Variants in CLVS1 observed in about 807,000 individuals in gnomAD.
CLVS1 encodes the protein clavesin 1.
A neutral mutation model predicts 33.1 loss-of-function variants in CLVS1; 10 were observed. The ratio of observed to expected loss-of-function variants is 0.30; its 90% CI spans 0.19 to 0.51. The LOEUF is 0.51. CLVS1 is among the 20% of genes least tolerant of loss of function. CLVS1 has a pLI of 0.97. For missense variants in CLVS1, 343 were observed against 433.4 expected (o/e 0.79, Z 1.85); for synonymous variants, 163 against 166.1 (o/e 0.98, Z 0.14).
chr8:61,003,937 T>C, the CLVS1 span, among the ~76,000 whole-genome samples: 4 of 152,192 alleles, frequency 2.6e-5, no homozygotes, highest in Non-Finnish European at 4.4e-5. Flanking sequence ...CAGGAGGTAA[T>C]GCAGTGCTGT....
At chr8:61,413,762 G>A (rs1410882205) in intron 3 of CLVS1, among the ~76,000 whole-genome samples, 2 of 152,160 alleles carry the variant, frequency 1.3e-5, no homozygotes, top group South Asian at 4.1e-4. Flanking sequence ...TCTGTGGGTT[G>A]GCTACTCCCA....
intron 1 of CLVS1, among the ~76,000 whole-genome samples, chr8:61,114,314 A>C (rs1185533942): frequency 6.6e-6 from 1 of 152,202 alleles, no homozygotes; most frequent in African/African-American, 2.4e-5. Context: ...TAGATATAAA[A>C]CTAAACAGCA....
intron 1 of CLVS1, among the ~76,000 whole-genome samples, chr8:61,127,614 T>A (rs1206832604): frequency 6.6e-6 from 1 of 152,234 alleles, no homozygotes; most frequent in East Asian, 1.9e-4. Context: ...AACTGGAATA[T>A]GCCTGATTTC....
At chr8:61,355,946 G>C (rs1230227180) in intron 2 of CLVS1, among the ~76,000 whole-genome samples, 1 of 152,200 alleles carries the variant, frequency 6.6e-6, no homozygotes, top group Admixed American at 6.5e-5. Flanking sequence ...GGATGGCTGA[G>C]TCAAATGGTA....
At chr8:61,221,362 A>C (rs1304068087) in intron 2 of CLVS1, among the ~76,000 whole-genome samples, 1 of 152,208 alleles carries the variant, frequency 6.6e-6, no homozygotes, top group East Asian at 1.9e-4. Context: ...TATTCCATCA[A>C]TACCTAGTCC....
At chr8:61,412,778 C>G (rs1815282663) in intron 3 of CLVS1, among the ~76,000 whole-genome samples, 1 of 152,138 alleles carries the variant, frequency 6.6e-6, no homozygotes, top group Admixed American at 6.6e-5. Flanking sequence ...TAGGCTAAGA[C>G]CTGGGTTTGA....
intron 1 of CLVS1, among the ~76,000 whole-genome samples, chr8:61,058,169 CA>C (rs1804513972): frequency 6.6e-6 from 1 of 152,164 alleles, no homozygotes; most frequent in South Asian, 2.1e-4. Context: ...GAGCTTATGA[CA>C]GGTGCATTTT....
intron 3 of CLVS1, among the ~76,000 whole-genome samples, chr8:61,425,793 TA>T (rs1815868496): frequency 1.3e-5 from 2 of 152,316 alleles, no homozygotes; most frequent in South Asian, 4.1e-4. Flanking sequence ...GTCTGGGGCA[TA>T]AAAGTGAGGG....
intron 2 of CLVS1, among the ~76,000 whole-genome samples, chr8:61,313,153 C>G (rs1810895114): frequency 6.6e-6 from 1 of 152,146 alleles, no homozygotes; most frequent in African/African-American, 2.4e-5. Flanking sequence ...GAAGAGGCCT[C>G]AAACCCAGCG....
intron 2 of CLVS1, among the ~76,000 whole-genome samples, chr8:61,334,164 C>A (rs866898810): frequency 6.6e-5 from 10 of 152,096 alleles, no homozygotes; most frequent in African/African-American, 2.4e-4. Flanking sequence ...TTAGAAGAAC[C>A]GGGTGTGAGA....
chr8:61,302,409 A>G (rs1206101779), intron 2 of CLVS1, among the ~76,000 whole-genome samples: 1 of 152,204 alleles, frequency 6.6e-6, no homozygotes, highest in African/African-American at 2.4e-5. Context: ...CTCAACATTC[A>G]GTGAGTATAG....
chr8:60,995,879 G>A, the CLVS1 span, among the ~76,000 whole-genome samples: 1 of 152,116 alleles, frequency 6.6e-6, no homozygotes, highest in African/African-American at 2.4e-5. Flanking sequence ...GGATGAAATT[G>A]GAAATCATCG....
chr8:61,154,575 G>A (rs985080703), intron 2 of CLVS1, among the ~76,000 whole-genome samples: 1 of 152,210 alleles, frequency 6.6e-6, no homozygotes, highest in South Asian at 2.1e-4. Flanking sequence ...ACTTGAGAAT[G>A]CATCTTAGTT....
Position 61,434,376 on chromosome 8 carries a change from C to T in CLVS1, c.631-19765C>T, listed in dbSNP as rs565561519. On this transcript the variant is annotated intron_variant, in intron 3 of 5. Transcript: ENST00000325897. Reference sequence around the variant, plus strand: ...ATAAACAGTGAGCGCCAACTGTCAACGAAAAGAGTCAAACTCTGTAAAATA... The same window carrying T: ...ATAAACAGTGAGCGCCAACTGTCAATGAAAAGAGTCAAACTCTGTAAAATA... Among the ~76,000 whole-genome samples, 21 of 152,268 alleles carry T rather than the reference C, an allele frequency of 1.4e-4. No homozygotes were observed. In the South Asian group the frequency reaches 1.9e-3, roughly 14 times the overall value.
intron 1 of CLVS1, among the ~76,000 whole-genome samples, chr8:61,111,415 T>C (rs1239876080): frequency 2.6e-5 from 4 of 152,236 alleles, no homozygotes; most frequent in African/African-American, 7.2e-5. Flanking sequence ...TTTGTACTTT[T>C]GGTACAGGCT....
At chr8:61,129,884 A>T (rs995277472) in intron 1 of CLVS1, among the ~76,000 whole-genome samples, 1 of 152,220 alleles carries the variant, frequency 6.6e-6, no homozygotes, top group Non-Finnish European at 1.5e-5. Context: ...ATGTTAATAT[A>T]TTCTTTAGAT....
intron 3 of CLVS1, among the ~76,000 whole-genome samples, chr8:61,430,308 G>C (rs1816062765): frequency 6.6e-6 from 1 of 152,228 alleles, no homozygotes; most frequent in Non-Finnish European, 1.5e-5. Context: ...CCATGTGGTA[G>C]TTGTATGATT....
chr8:61,202,720 G>C (rs1482367985), intron 2 of CLVS1: 2 of 1,575,750 alleles, frequency 1.3e-6, no homozygotes, highest in East Asian at 2.2e-5. Flanking sequence ...GGAAGATGCA[G>C]AGTCAGAAGA....
chr8:61,068,113 A>C lies in CLVS1; in HGVS notation c.-243+10883A>C, dbSNP rs556875503. 1.5e-3 allele frequency among the ~76,000 whole-genome samples: 222 copies of C among 151,274 alleles called. 2 individuals are homozygous for C. The highest frequency in any genetic ancestry group is 2.5e-3 in the Non-Finnish European group (172 of 67,908). On this transcript the variant is annotated intron_variant, in intron 1 of 2. Transcript: ENST00000522621. ...CTTGACCCCAGAAGATCGAGGCTGC[A>C]CTGAGCCCTGATTGCACCACTGCAC...
Sources: gnomAD v4.1 joint callset for allele counts (sites outside exome capture counted in the v4.1 genomes callset) on GRCh38, gnomAD v4.1.1 for gene constraint, MANE v1.5 for transcripts, NCBI Gene and HGNC (gene_info 2026-07-23, HGNC 2026-07-21) for gene names.